Variants in TENM4 observed in about 807,000 individuals in gnomAD.
TENM4 encodes the protein teneurin transmembrane protein 4.
In TENM4, 82 loss-of-function variants were observed where a neutral mutation model predicts 243.3. That is an observed-to-expected ratio of 0.34 (90% CI 0.28 to 0.40). The LOEUF is 0.40. Among genes scored for constraint, TENM4 ranks in the 10% least tolerant of loss-of-function variants. The pLI, the probability that TENM4 is intolerant of heterozygous loss-of-function variation, is 1.00. For synonymous variants in TENM4, 1,412 were observed against 1,456.3 expected (o/e 0.97, Z 0.69); for missense variants, 3,138 against 3,673.3 (o/e 0.85, Z 3.77).
At chr11:79,343,305 A>G (rs765612180) in intron 1 of TENM4, among the ~76,000 whole-genome samples, 14 of 152,226 alleles carry the variant, frequency 9.2e-5, no homozygotes, top group Admixed American at 1.3e-4. Context: ...AAATCATTCT[A>G]TTTTACAGAT....
chr11:79,022,687 G>A (rs1234908239), intron 6 of TENM4, among the ~76,000 whole-genome samples: 1 of 152,130 alleles, frequency 6.6e-6, no homozygotes, highest in African/African-American at 2.4e-5. Context: ...ACCAAATAAG[G>A]ACAAAAATTA....
chr11:78,936,137 T>G (rs1856778610), intron 6 of TENM4, among the ~76,000 whole-genome samples: 1 of 152,222 alleles, frequency 6.6e-6, no homozygotes, highest in Non-Finnish European at 1.5e-5. Context: ...GAATGCATCT[T>G]ATGGCACCCA....
chr11:78,732,693 T>C lies in TENM4; in HGVS notation c.2877-116A>G, dbSNP rs552326167. On this transcript the variant is annotated intron_variant, in intron 20 of 33. Transcript: ENST00000278550. ...TTACACCAAAGGGTCTCAGCATTTC[T>C]TGAGGGAGGCTCTAATGCCTAAATA... is the stretch of plus-strand genomic sequence containing the variant. The C allele has an allele frequency of 1.3e-3, 1,562 of 1,232,896 alleles. 1 individual carries two copies. Among genetic ancestry groups the C allele is most frequent in the Non-Finnish European group, 1.5e-3 (1,367 of 914,230 alleles). The allele number at this position is 1,232,896 out of a possible 1,614,324, so 76.4% of individuals were successfully genotyped here.
chr11:79,368,302 A>G (rs943103811), intron 1 of TENM4, among the ~76,000 whole-genome samples: 2 of 152,248 alleles, frequency 1.3e-5, no homozygotes, highest in African/African-American at 4.8e-5. Flanking sequence ...TAGCTTAAAA[A>G]GTGGCCCAGA....
At position 78,971,622 on chromosome 11, in the gene TENM4, C is replaced by T. The variant is rs193057361; in HGVS notation, c.494-68099G>A. On this transcript the variant is annotated intron_variant, in intron 6 of 33. Transcript: ENST00000278550. Reference sequence around the variant, plus strand: ...GGCCCCTTAAATAAGATTTTTTATACATTAATATTAGTAGTATAATTTAGT... The same window carrying T: ...GGCCCCTTAAATAAGATTTTTTATATATTAATATTAGTAGTATAATTTAGT... 3.0e-4 allele frequency among the ~76,000 whole-genome samples: 45 copies of T among 152,100 alleles called. No individual in the cohort carries two copies. In the East Asian group the frequency reaches 8.7e-3, roughly 29 times the overall value.
At chr11:79,237,394 G>A (rs937533315) in intron 2 of TENM4, among the ~76,000 whole-genome samples, 5 of 152,298 alleles carry the variant, frequency 3.3e-5, no homozygotes, top group African/African-American at 7.2e-5. Context: ...AGTAAACATA[G>A]GGCCTGGCAT....
intron 6 of TENM4, among the ~76,000 whole-genome samples, chr11:79,043,360 G>T (rs1274214053): frequency 1.3e-5 from 2 of 152,148 alleles, no homozygotes; most frequent in East Asian, 3.9e-4. Flanking sequence ...TTGTAGTTAA[G>T]TGGGGCCATA....
intron 3 of TENM4, among the ~76,000 whole-genome samples, chr11:79,210,456 A>T (rs754255443): frequency 2.0e-5 from 3 of 152,228 alleles, no homozygotes; most frequent in African/African-American, 4.8e-5. Flanking sequence ...TATGTCTGGA[A>T]AGATACAACA....
At chr11:79,329,103 G>T (rs1857020277) in intron 1 of TENM4, among the ~76,000 whole-genome samples, 4 of 152,176 alleles carry the variant, frequency 2.6e-5, no homozygotes, top group Admixed American at 1.3e-4. Flanking sequence ...CAAAAGCCAT[G>T]GAGAATTCTG....
chr11:78,935,202 G>A (rs909375190), intron 6 of TENM4, among the ~76,000 whole-genome samples: 3 of 151,012 alleles, frequency 2.0e-5, no homozygotes, highest in Admixed American at 6.6e-5. Flanking sequence ...TAGTAGAGAC[G>A]GGGTTTCACC....
At chr11:79,142,916 A>T (rs1862316763) in intron 4 of TENM4, among the ~76,000 whole-genome samples, 1 of 152,096 alleles carries the variant, frequency 6.6e-6, no homozygotes, top group Non-Finnish European at 1.5e-5. Context: ...GTGCTGGGAC[A>T]TGAAAAAAAT....
intron 6 of TENM4, among the ~76,000 whole-genome samples, chr11:78,904,359 C>CAAAAAAAAA (rs61503457): frequency 5.2e-5 from 4 of 77,254 alleles, no homozygotes; most frequent in African/African-American, 7.6e-5. Flanking sequence ...GACTCTGTCT[C>CAAAAAAAAA]AAAAAAAAAA....
chr11:78,894,045 A>T (rs1855732795), intron 7 of TENM4, among the ~76,000 whole-genome samples: 1 of 152,218 alleles, frequency 6.6e-6, no homozygotes, highest in Non-Finnish European at 1.5e-5. Context: ...CACTCAATAA[A>T]TATGTGCTGA....
chr11:79,363,703 C>A (rs1395746218), intron 1 of TENM4, among the ~76,000 whole-genome samples: 2 of 152,108 alleles, frequency 1.3e-5, no homozygotes, highest in Non-Finnish European at 2.9e-5. Flanking sequence ...GCTGGGGGAC[C>A]AAAGTTATGA....
At chr11:78,661,024 C>T (rs938774658) in intron 33 of TENM4, among the ~76,000 whole-genome samples, 4 of 152,120 alleles carry the variant, frequency 2.6e-5, no homozygotes, top group Non-Finnish European at 5.9e-5. Context: ...GCCTCAGGCA[C>T]GAGTCTGTAA....
intron 4 of TENM4, among the ~76,000 whole-genome samples, chr11:79,123,332 C>T (rs773852613): frequency 1.5e-4 from 23 of 152,116 alleles, no homozygotes; most frequent in Non-Finnish European, 2.1e-4. Context: ...TGAAAAGTTA[C>T]GACAACTTTC....
chr11:78,989,158 G>A (rs973596986), intron 6 of TENM4, among the ~76,000 whole-genome samples: 5 of 152,158 alleles, frequency 3.3e-5, no homozygotes, highest in African/African-American at 1.2e-4. Flanking sequence ...TCCTATTGAA[G>A]GCCAAAAACA....
chr11:79,108,344 T>C (rs534497464), intron 4 of TENM4, among the ~76,000 whole-genome samples: 42 of 152,302 alleles, frequency 2.8e-4, no homozygotes, highest in African/African-American at 9.9e-4. Flanking sequence ...AAGAAAGATG[T>C]TCTACTTCAA....
intron 4 of TENM4, among the ~76,000 whole-genome samples, chr11:79,073,026 T>G (rs1860457339): frequency 6.6e-6 from 1 of 152,196 alleles, no homozygotes; most frequent in Non-Finnish European, 1.5e-5. Context: ...CTCTGCAAAC[T>G]GCAGATGAGA....
Sources: gnomAD v4.1 joint callset for allele counts (sites outside exome capture counted in the v4.1 genomes callset) on GRCh38, gnomAD v4.1.1 for gene constraint, MANE v1.5 for transcripts, NCBI Gene and HGNC (gene_info 2026-07-23, HGNC 2026-07-21) for gene names.